The following KCNH8 variants were observed in gnomAD, a reference collection of about 807,000 sequenced individuals.
The protein encoded by KCNH8 is potassium voltage-gated channel subfamily H member 8.
KCNH8 carries 70 observed loss-of-function variants against 103.6 expected under a neutral mutation model. That is an observed-to-expected ratio of 0.68 (90% confidence interval 0.56 to 0.82). The LOEUF (loss-of-function observed/expected upper bound fraction) is 0.82, where lower values mean the gene tolerates loss of function less well. Ranked by LOEUF, KCNH8 falls within the 40% of genes least tolerant of loss-of-function variation. The probability of loss-of-function intolerance (pLI) is 0.00; values close to 1 mark genes in which losing one functional copy is unlikely to be tolerated. For missense variants in KCNH8, 1,217 were observed against 1,329.9 expected, an observed-to-expected ratio of 0.92 and a Z score of 1.32; for synonymous variants, 498 against 489.4, an observed-to-expected ratio of 1.02 and a Z score of -0.23.
intron 1 of KCNH8, among the ~76,000 whole-genome samples, chr3:19,156,667 A>G (rs1168086058): frequency 6.6e-6 from 1 of 152,234 alleles, no homozygotes; most frequent in East Asian, 1.9e-4. Context: ...TTTTCTGTTT[A>G]GAATTTGCTG....
At chr3:19,343,943 T>C (rs1461543686) in intron 4 of KCNH8, among the ~76,000 whole-genome samples, 1 of 151,172 alleles carries the variant, frequency 6.6e-6, no homozygotes, top group African/African-American at 2.4e-5. Flanking sequence ...CCATCAACCA[T>C]GTCCGTGCTG....
chr3:19,404,145 C>T (rs935501487), intron 7 of KCNH8, among the ~76,000 whole-genome samples: 55 of 151,938 alleles, frequency 3.6e-4, no homozygotes, highest in African/African-American at 1.3e-3. Context: ...ACCTGCTCTT[C>T]ACTCTCTATC....
At chr3:19,358,593 T>C (rs2065910503) in intron 5 of KCNH8, among the ~76,000 whole-genome samples, 1 of 151,990 alleles carries the variant, frequency 6.6e-6, no homozygotes, top group South Asian at 2.1e-4. Flanking sequence ...TTCAATGGAC[T>C]AAATAAAAAC....
intron 15 of KCNH8, among the ~76,000 whole-genome samples, chr3:19,528,487 C>T (rs2069104382): frequency 6.6e-6 from 1 of 151,954 alleles, no homozygotes; most frequent in African/African-American, 2.4e-5. Flanking sequence ...ATGAAGGAAA[C>T]ACAATAAGGG....
chr3:19,498,866 G>C (rs1051990033), intron 11 of KCNH8, among the ~76,000 whole-genome samples: 1 of 152,066 alleles, frequency 6.6e-6, no homozygotes, highest in African/African-American at 2.4e-5. Context: ...TGCCCCTGTT[G>C]GGGGGTGCCT....
chr3:19,419,195 G>GTTTTTTTTTTTTTTTTTT (rs1559318835), intron 7 of KCNH8, among the ~76,000 whole-genome samples: 1 of 128,754 alleles, frequency 7.8e-6, no homozygotes, highest in African/African-American at 2.9e-5. Flanking sequence ...AATGGTTTTG[G>GTTTTTTTTTTTTTTTTTT]TTTTTTTTTT....
chr3:19,318,658 TGTGTACAC>T (rs1450143242), intron 3 of KCNH8, among the ~76,000 whole-genome samples: 1 of 95,518 alleles, frequency 1.0e-5, no homozygotes, highest in South Asian at 3.0e-4. Context: ...TGTGTGTGTG[TGTGTACAC>T]ACACACACAC....
chr3:19,289,400 G>A (rs956013386), intron 3 of KCNH8, among the ~76,000 whole-genome samples: 2 of 152,108 alleles, frequency 1.3e-5, no homozygotes, highest in Non-Finnish European at 2.9e-5. Context: ...ATTAATTTTT[G>A]TGTAAGGTGT....
rs371575584 is a variant in KCNH8, at chr3:19,225,212, G to T, written c.77-28442G>T. Among the ~76,000 whole-genome samples the T allele has an allele frequency of 1.1e-4, 16 of 151,884 alleles. No individual in the cohort carries two copies. In the South Asian group the frequency reaches 1.7e-3, roughly 16 times the overall value. On this transcript the variant is annotated intron_variant, in intron 1 of 15. Transcript: ENST00000328405. ...TAATAGAGTAGCAAAACTCTAATAT[G>T]GATTGGATTTTTATGGACCCACAAA...
At chr3:19,229,276 T>C (rs1191561243) in intron 1 of KCNH8, among the ~76,000 whole-genome samples, 3 of 152,234 alleles carry the variant, frequency 2.0e-5, no homozygotes, top group African/African-American at 7.2e-5. Flanking sequence ...GTAGGGACTC[T>C]GTGGGGTGCT....
chr3:19,297,305 C>T (rs1264810405), intron 3 of KCNH8, among the ~76,000 whole-genome samples: 1 of 152,112 alleles, frequency 6.6e-6, no homozygotes, highest in Non-Finnish European at 1.5e-5. Flanking sequence ...ATAATATGAG[C>T]TTAAGGAAGT....
chr3:19,169,654 C>T (rs1342320684), intron 1 of KCNH8, among the ~76,000 whole-genome samples: 1 of 152,184 alleles, frequency 6.6e-6, no homozygotes, highest in Non-Finnish European at 1.5e-5. Context: ...TTATTTCTCA[C>T]CTCCCTTTGG....
chr3:19,227,540 G>C (rs2063945501), intron 1 of KCNH8, among the ~76,000 whole-genome samples: 1 of 152,170 alleles, frequency 6.6e-6, no homozygotes, highest in Non-Finnish European at 1.5e-5. Flanking sequence ...CAGAGCTTGA[G>C]AAGGAGTATA....
In KCNH8 at chr3:19,534,715, T is replaced by TTAAAC. The variant is rs1363166963; in HGVS notation, c.*619_*623dup. On this transcript the variant is annotated 3_prime_UTR_variant, in exon 16 of 16. Coordinates refer to ENST00000328405, the MANE Select transcript of KCNH8 (RefSeq NM_144633.3). ...TATATCCTTGGTATGAAATATGTAT[T>TTAAAC]TAAACTATTTAAATATTTATAAAGA... is the stretch of plus-strand genomic sequence containing the variant. 5 of 152,740 alleles carry TTAAAC rather than the reference T, an allele frequency of 3.3e-5. No individual in the cohort carries two copies. In the East Asian group the frequency reaches 9.6e-4, roughly 29 times the overall value. The allele number at this position is 152,740 out of a possible 1,614,324, so 9.5% of individuals were successfully genotyped here.
chr3:19,523,595 T>C (rs78851894), intron 15 of KCNH8, among the ~76,000 whole-genome samples: 8,877 of 152,024 alleles, frequency 0.058, 266 homozygotes, highest in East Asian at 0.09. Context: ...TGTTTTCCAT[T>C]TGAAGCGTGG....
At chr3:19,241,724 A>G (rs1351100005) in intron 1 of KCNH8, among the ~76,000 whole-genome samples, 1 of 52,648 alleles carries the variant, frequency 1.9e-5, no homozygotes, top group East Asian at 2.4e-4. Flanking sequence ...ACACACACAG[A>G]CACACACACA....
chr3:19,284,356 T>C (rs1369339529), intron 3 of KCNH8, among the ~76,000 whole-genome samples: 1 of 152,138 alleles, frequency 6.6e-6, no homozygotes, highest in Non-Finnish European at 1.5e-5. Context: ...GGGGAGTTTA[T>C]TTAAATGAGG....
chr3:19,234,871 T>C (rs1187735690), intron 1 of KCNH8, among the ~76,000 whole-genome samples: 1 of 152,266 alleles, frequency 6.6e-6, no homozygotes, highest in African/African-American at 2.4e-5. Flanking sequence ...CACCCTGCAA[T>C]AGAATGATGT....
At chr3:19,382,880 A>G (rs1007725794) in intron 5 of KCNH8, among the ~76,000 whole-genome samples, 4 of 152,114 alleles carry the variant, frequency 2.6e-5, no homozygotes, top group African/African-American at 7.2e-5. Context: ...CATGCTATGT[A>G]CAATGGGCAG....
Sources: gnomAD v4.1 joint callset for allele counts (sites outside exome capture counted in the v4.1 genomes callset) on GRCh38, gnomAD v4.1.1 for gene constraint, MANE v1.5 for transcripts, NCBI Gene and HGNC (gene_info 2026-07-23, HGNC 2026-07-21) for gene names.